TTN: variants seen among roughly 807,000 people sequenced by gnomAD.
TTN encodes the protein connectin.
TTN carries 1,525 observed loss-of-function variants against 3,223.0 expected under a neutral mutation model. The ratio of observed to expected loss-of-function variants is 0.47; its 90% CI spans 0.45 to 0.49. The LOEUF is 0.49. Ranked by LOEUF, TTN falls within the 20% of genes least tolerant of loss-of-function variation. The pLI is 0.00. For missense variants in TTN, 40,786 were observed against 43,424.0 expected (o/e 0.94, Z 5.40); for synonymous variants, 14,094 against 15,161.0 (o/e 0.93, Z 5.17).
At chr2:178,688,353 C>CTTCT in intron 126 of TTN, 129 bp from the exon 127 acceptor site, 1 of 821,012 alleles carries the variant, frequency 1.2e-6, no homozygotes, top group Non-Finnish European at 2.0e-6. Context: ...TACTTCCTCA[C>CTTCT]TATAAGAAGG....
At chr2:178,792,255 G>T (rs752480041) in intron 9 of TTN, 58 bp from the exon 10 acceptor site, 5 of 1,517,390 alleles carry the variant, frequency 3.3e-6, no homozygotes, top group Non-Finnish European at 4.5e-6. Flanking sequence ...AAATAATATG[G>T]TGTTTATTAA....
Position 178,632,187 on chromosome 2 carries a change from T to G in TTN, c.43707A>C (p.Glu14569Asp), listed in dbSNP as rs1262651823. 3.1e-6 allele frequency: 5 copies of G among 1,608,762 alleles called. No homozygotes were observed. Among genetic ancestry groups the G allele is most frequent in the Non-Finnish European group, 4.2e-6 (5 of 1,177,420 alleles). ...TAGCTTCTGAACTCATCCCCATAGC[T>G]TCTACTCTAATTTGGGAGGTGTCAT... The part of the protein sequence containing the change: ...SIDDTSQIRV[E>D]AMGMSSEAKL... The change falls in exon 236 of 363, where the codon GAA (glutamate) becomes GAC (aspartate). Residue 14569 changes from glutamate to aspartate, a missense_variant. By Grantham distance (45) the Glu-to-Asp change is conservative. Transcript: ENST00000589042.
At chr2:178,753,036 C>A in intron 47 of TTN, 88 bp downstream of exon 47, 2 of 1,077,992 alleles carry the variant, frequency 1.9e-6, no homozygotes, top group South Asian at 1.4e-5. Flanking sequence ...ATTTTTTTCT[C>A]AATAATACTA....
Position 178,694,761 on chromosome 2 carries a change from T to C in TTN, c.31348+68A>G, listed in dbSNP as rs1211072795. The C allele has an allele frequency of 1.0e-5, 15 of 1,481,838 alleles. No homozygotes were observed. In the Middle Eastern group the frequency reaches 6.9e-4, roughly 69 times the overall value. 91.8% of individuals were successfully genotyped at this position (1,481,838 alleles called of 1,614,324 possible). Reference sequence around the variant, plus strand: ...AAAAGTATTTGATTATATAAATAACTAATGTGAGTATAGATCAGTAAACAT... The same window carrying C: ...AAAAGTATTTGATTATATAAATAACCAATGTGAGTATAGATCAGTAAACAT... On this transcript the variant is annotated intron_variant, in intron 116 of 362. Transcript: ENST00000589042.
chr2:178,530,788 T>C lies in TTN; in HGVS notation c.105827A>G (p.Lys35276Arg). The C allele has an allele frequency of 1.3e-5, 21 of 1,613,864 alleles. No individual in the cohort carries two copies. The highest frequency in any genetic ancestry group is 1.7e-5 in the Non-Finnish European group (20 of 1,179,856). Residue 35276 changes from lysine to arginine, a missense_variant, in exon 358 of 363, where the codon AAA becomes AGA. Physicochemically the swap from Lys to Arg is conservative, Grantham distance 26. Coordinates refer to ENST00000589042, the MANE Select transcript of TTN (RefSeq NM_001267550.2). ...GGCAGAGACTGGGAGGTGCTGAACT[T>C]TCTCTGTTGGTGTTGGTTTTGTCTC... ...PTETKPTPTE[K>R]VQHLPVSAPP...
chr2:178,633,409 T>G lies in TTN; in HGVS notation c.42946+4A>C, dbSNP rs1323555108. On this transcript the variant is annotated splice_donor_region_variant and intron_variant, in intron 232 of 362. Transcript: ENST00000589042. ...GGTAAATTTTACATTGTTGAGCAAC[T>G]CACCCTCAACAGTAACATTTGCCTT... The G allele has an allele frequency of 6.2e-7, 1 of 1,613,364 alleles. No homozygotes were observed. The highest frequency in any genetic ancestry group is 1.1e-5 in the South Asian group (1 of 91,046).
In TTN at chr2:178,553,719, C is replaced by T; in HGVS notation, c.89286G>A (p.Gly29762=). Residue 29762 remains glycine, a synonymous_variant, in exon 334 of 363, where the codon GGG becomes GGA. Coordinates refer to ENST00000589042, the MANE Select transcript of TTN (RefSeq NM_001267550.2). ...CAACATACCCAGTAACAGCACTGCCCCCATCATAGACAGGCTTACTCCAGC... is the reference window on the plus strand; with the variant it reads ...CAACATACCCAGTAACAGCACTGCCTCCATCATAGACAGGCTTACTCCAGC... ...TLGWSKPVYD[G]GSAVTGYVVE... The T allele has an allele frequency of 1.2e-6, 2 of 1,613,700 alleles. No homozygotes were observed. Among genetic ancestry groups the T allele is most frequent in the Non-Finnish European group, 1.7e-6 (2 of 1,179,746 alleles).
In TTN at chr2:178,587,525, T is replaced by A. The variant is rs2049299651; in HGVS notation, c.63784A>T (p.Arg21262Ter). 1 of 1,609,072 alleles carries A rather than the reference T, an allele frequency of 6.2e-7. No individual in the cohort carries two copies. Among genetic ancestry groups the A allele is most frequent in the Admixed American group, 1.7e-5 (1 of 59,474 alleles). ...AGEKAVFVNV[R>*]VLDTPGPVSD... ...CATTTTAGTAACCCACCTAATACTC[T>A]GACATTTACGAATACAGCCTTTTCT... Residue 21262 changes from arginine to a stop codon, truncating the protein, a stop_gained, in exon 306 of 363, where the codon AGA becomes TGA. Coordinates refer to ENST00000589042, the MANE Select transcript of TTN (RefSeq NM_001267550.2). LOFTEE classifies it high-confidence loss of function.
intron 209 of TTN, 147 bp from the exon 210 acceptor site, chr2:178,650,418 C>T: frequency 1.2e-6 from 1 of 851,926 alleles, no homozygotes; most frequent in Non-Finnish European, 1.8e-6. Context: ...AAATCTATCT[C>T]ATTTGCACTG....
At chr2:178,744,332 T>G in intron 47 of TTN, 2 of 964,478 alleles carry the variant, frequency 2.1e-6, no homozygotes, top group Non-Finnish European at 2.5e-6. Context: ...ATAATTACTA[T>G]TAGCTTAACA....
At chr2:178,545,747 CT>C in intron 343 of TTN, 54 bp from the exon 344 acceptor site, 1 of 1,597,774 alleles carries the variant, frequency 6.3e-7, no homozygotes, top group Non-Finnish European at 8.6e-7. Flanking sequence ...ATTGATAAGA[CT>C]GCCCTTCTCC....
At chr2:178,545,298 T>G in intron 344 of TTN, 90 bp downstream of exon 344, 2 of 1,274,610 alleles carry the variant, frequency 1.6e-6, no homozygotes, top group Non-Finnish European at 2.1e-6. Flanking sequence ...ATTCATAAAT[T>G]CTAAAAATTC....
intron 33 of TTN, among the ~76,000 whole-genome samples, chr2:178,772,512 G>A (rs1338641680): frequency 6.6e-6 from 1 of 152,042 alleles, no homozygotes; most frequent in African/African-American, 2.4e-5. Flanking sequence ...CTGAATGATG[G>A]TCTTATTTCT....
Position 178,692,554 on chromosome 2 carries a change from G to A in TTN, c.31621C>T (p.Pro10541Ser), listed in dbSNP as rs1247704040. 1.3e-6 allele frequency: 2 copies of A among 1,571,230 alleles called. No homozygotes were observed. The highest frequency in any genetic ancestry group is 1.9e-5 in the Admixed American group (1 of 52,174). ...KVPELPEKPAPEEVAPVPIPK... is the reference protein window; with the variant it reads ...KVPELPEKPASEEVAPVPIPK... The stretch of plus-strand genomic sequence containing the variant: ...ATAGGAACAGGGGCCACTTCTTCTG[G>A]AGCTGGTTTCTCAGGTAGCTCAGGG... The change falls in exon 120 of 363, where the codon CCA (proline) becomes TCA (serine). Residue 10541 changes from proline to serine, a missense_variant. By Grantham distance (74) the Pro-to-Ser change is moderately conservative (BLOSUM62 -1). Coordinates refer to ENST00000589042, the MANE Select transcript of TTN (RefSeq NM_001267550.2).
chr2:178,649,934 A>G, intron 210 of TTN, 40 bp from the exon 211 acceptor site: 1 of 1,584,432 alleles, frequency 6.3e-7, no homozygotes, highest in Non-Finnish European at 8.6e-7. Context: ...AGGTGATTAC[A>G]ATGAAAAATT....
rs770243060 is a variant in TTN at position 178,724,353 on chromosome 2, G to A, written c.21022C>T (p.Leu7008Phe). The A allele has an allele frequency of 6.2e-7, 1 of 1,613,476 alleles. No individual in the cohort carries two copies. Residue 7008 changes from leucine to phenylalanine, a missense_variant, in exon 72 of 363, where the codon CTC becomes TTC. By Grantham distance (22) the Leu-to-Phe change is conservative. Coordinates refer to ENST00000589042, the MANE Select transcript of TTN (RefSeq NM_001267550.2). Reference sequence around the variant, plus strand: ...CCTGCATCTTGCCTTTCAACTGAGAGAATCCTTAAGGAAGAGATTTTGTTG... The same window carrying A: ...CCTGCATCTTGCCTTTCAACTGAGAAAATCCTTAAGGAAGAGATTTTGTTG... Reference protein sequence around the residue: ...FYNKISSLRILSVERQDAGTY... With the variant: ...FYNKISSLRIFSVERQDAGTY...
In TTN at chr2:178,652,323, A is replaced by G. The variant is rs72650061; in HGVS notation, c.39152T>C (p.Val13051Ala). ...VKVPEAPKEV[V>A]PEKKVPVPPP... Reference sequence around the variant, plus strand: ...AGGCACTGGCACTTTCTTTTCAGGAACAACTTCTTTGGGAGCCTCAGGCAC... The same window carrying G: ...AGGCACTGGCACTTTCTTTTCAGGAGCAACTTCTTTGGGAGCCTCAGGCAC... The change falls in exon 203 of 363, where the codon GTT becomes GCT. Residue 13051 changes from valine to alanine, a missense_variant. By Grantham distance (64) the Val-to-Ala change is moderately conservative. Transcript: ENST00000589042. 96 of 1,613,622 alleles carry G rather than the reference A, an allele frequency of 5.9e-5. No individual in the cohort carries two copies. The highest frequency in any genetic ancestry group is 7.7e-5 in the Non-Finnish European group (91 of 1,179,714).
At chr2:178,730,463 T>A in intron 61 of TTN, 42 bp downstream of exon 61, 1 of 1,559,676 alleles carries the variant, frequency 6.4e-7, no homozygotes, top group Non-Finnish European at 8.7e-7. Flanking sequence ...GAAACAAAAA[T>A]ATTTTGTAAG....
Position 178,646,548 on chromosome 2 carries a change from C to T in TTN, c.40234G>A (p.Glu13412Lys). 1 of 1,544,602 alleles carries T rather than the reference C, an allele frequency of 6.5e-7. No individual in the cohort carries two copies. The highest frequency in any genetic ancestry group is 8.8e-7 in the Non-Finnish European group (1 of 1,142,672). Residue 13412 changes from glutamate to lysine, a missense_variant, in exon 216 of 363, where the codon GAA becomes AAA. Coordinates refer to ENST00000589042, the MANE Select transcript of TTN (RefSeq NM_001267550.2). Reference sequence around the variant, plus strand: ...GGCTCTTCAGGTTTAATATACTTTTCAATTTCACGTTCTTTAAAGAATGTT... The same window carrying T: ...GGCTCTTCAGGTTTAATATACTTTTTAATTTCACGTTCTTTAAAGAATGTT... Reference protein sequence around the residue: ...ETPPVEEREIEKYIKPEEPEP... With the variant: ...ETPPVEEREIKKYIKPEEPEP...
Sources: allele counts gnomAD v4.1 joint callset (sites outside exome capture counted in the v4.1 genomes callset), GRCh38; gene constraint gnomAD v4.1.1; transcripts MANE v1.5; gene names NCBI Gene and HGNC (gene_info 2026-07-23, HGNC 2026-07-21).